Variants in HAPLN3 observed in about 807,000 individuals in gnomAD.
HAPLN3 encodes hyaluronan and proteoglycan link protein 3, also known as extracellular link domain containing, 1.
A neutral mutation model predicts 28.1 loss-of-function variants in HAPLN3; 28 were observed. The ratio of observed to expected loss-of-function variants is 1.00; its 90% CI spans 0.74 to 1.37. HAPLN3 has a LOEUF of 1.37. Among genes scored for constraint, HAPLN3 ranks in the 40% most tolerant of loss-of-function variants. The pLI is 0.00. For missense variants in HAPLN3, 513 were observed against 504.6 expected, an observed-to-expected ratio of 1.02 and a Z score of -0.16; for synonymous variants, 211 against 213.1, an observed-to-expected ratio of 0.99 and a Z score of 0.09.
At position 88,881,582 on chromosome 15, in the gene HAPLN3, TCCA is replaced by T. The variant is rs766805402; in HGVS notation, c.265_267del (p.Trp89del). ...TCTGGGGCCCCGTTCTCCGACAGCT[TCCA>T]CCATTTGACACGCACACGCCGCGGG... On this transcript the variant is annotated inframe_deletion, in exon 3 of 5. Coordinates refer to ENST00000359595, the MANE Select transcript of HAPLN3 (RefSeq NM_178232.4). The surrounding 1 kb of genome is among the most constrained non-coding windows in gnomAD (Gnocchi z 6.0). 6.2e-7 allele frequency: 1 copy of T among 1,614,002 alleles called. No individual in the cohort carries two copies. Among genetic ancestry groups the T allele is most frequent in the South Asian group, 1.1e-5 (1 of 91,072 alleles).
rs1897571629 is a variant in HAPLN3, at chr15:88,877,901, C to T, written c.*69G>A. The T allele has an allele frequency of 5.5e-6, 8 of 1,447,894 alleles. No individual in the cohort carries two copies. Among genetic ancestry groups the T allele is most frequent in the Non-Finnish European group, 7.5e-6 (8 of 1,073,406 alleles). The allele number at this position is 1,447,894 out of a possible 1,614,324, so 89.7% of individuals were successfully genotyped here. Reference sequence around the variant, plus strand: ...AAACAGTTAAAATGGCTCCAACCCACAAGGGAAAACGAACCACTCAATAAA... The same window carrying T: ...AAACAGTTAAAATGGCTCCAACCCATAAGGGAAAACGAACCACTCAATAAA... On this transcript the variant is annotated 3_prime_UTR_variant, in exon 5 of 5. Transcript: ENST00000359595. This position sits in a 1 kb window ranked among gnomAD's most constrained non-coding sequence, Gnocchi z 5.1.
chr15:88,881,291 T>C lies in HAPLN3; in HGVS notation c.493+66A>G. The C allele has an allele frequency of 6.5e-7, 1 of 1,530,230 alleles. No homozygotes were observed. The highest frequency in any genetic ancestry group is 1.3e-5 in the South Asian group (1 of 79,648). 94.8% of individuals were successfully genotyped at this position (1,530,230 alleles called of 1,614,324 possible). On this transcript the variant is annotated intron_variant, in intron 3 of 4. Coordinates refer to ENST00000359595, the MANE Select transcript of HAPLN3 (RefSeq NM_178232.4). The surrounding 1 kb of genome is among the most constrained non-coding windows in gnomAD (Gnocchi z 6.0). ...TGTCTAAAGCACAGAGGTCTGGATG[T>C]TTTCTCTGGTCCTCTCCCCTCTGCT...
Position 88,878,202 on chromosome 15 carries a change from T to A in HAPLN3, c.851A>T (p.Glu284Val). The A allele has an allele frequency of 6.2e-7, 1 of 1,614,080 alleles. No homozygotes were observed. The highest frequency in any genetic ancestry group is 8.5e-7 in the Non-Finnish European group (1 of 1,179,966). ...PEKLTLTEAREACQEDDATIA... is the reference protein window; with the variant it reads ...PEKLTLTEARVACQEDDATIA... ...CGTGGCATCATCTTCCTGGCAGGCCTCCCTTGCCTCTGTCAGCGTCAGCTT... is the reference window on the plus strand; with the variant it reads ...CGTGGCATCATCTTCCTGGCAGGCCACCCTTGCCTCTGTCAGCGTCAGCTT... The change falls in exon 5 of 5, where the codon GAG becomes GTG. Residue 284 changes from glutamate (E) to valine (V), a missense_variant. Transcript: ENST00000359595.
chr15:88,890,395 A>G (rs530348800), intron 1 of HAPLN3, among the ~76,000 whole-genome samples: 1 of 152,292 alleles, frequency 6.6e-6, no homozygotes, highest in African/African-American at 2.4e-5. Flanking sequence ...AACCTGGTAC[A>G]GAGTTTGGGA....
Position 88,881,466 on chromosome 15 carries a change from G to T in HAPLN3, c.384C>A (p.Asp128Glu), listed in dbSNP as rs74819608. The stretch of plus-strand genomic sequence containing the variant: ...GCAGATCCTGGATCTCCAGCGAGAC[G>T]TCATGCTCTTTGTCCTGCCGCAGGT... The part of the protein sequence containing the change: ...RVHLRQDKEH[D>E]VSLEIQDLRL... The change falls in exon 3 of 5, where the codon GAC becomes GAA. Residue 128 changes from aspartate to glutamate, a missense_variant. Asp to Glu is a conservative substitution (Grantham distance 45, BLOSUM62 2). Transcript: ENST00000359595. This position sits in a 1 kb window ranked among gnomAD's most constrained non-coding sequence, Gnocchi z 6.0. 1.9e-6 allele frequency: 3 copies of T among 1,613,886 alleles called. No individual in the cohort carries two copies. Among genetic ancestry groups the T allele is most frequent in the Non-Finnish European group, 2.5e-6 (3 of 1,180,030 alleles).
chr15:88,884,902 G>A (rs965613798), intron 2 of HAPLN3, among the ~76,000 whole-genome samples: 1 of 152,212 alleles, frequency 6.6e-6, no homozygotes, highest in East Asian at 1.9e-4. Flanking sequence ...AACCGGAAGA[G>A]GCAAGGCAAG....
In HAPLN3 at chr15:88,881,033, TG is replaced by T. The variant is rs1897682100; in HGVS notation, c.493+323del. The T allele has an allele frequency of 5.3e-6, 2 of 375,106 alleles. No homozygotes were observed. The highest frequency in any genetic ancestry group is 6.3e-5 in the South Asian group (2 of 31,740). 23.2% of individuals were successfully genotyped at this position (375,106 alleles called of 1,614,324 possible). On this transcript the variant is annotated intron_variant, in intron 3 of 4. Transcript: ENST00000359595. This position sits in a 1 kb window ranked among gnomAD's most constrained non-coding sequence, Gnocchi z 6.0. ...TCTCAGCTCTGTCTCTAATAAGCTG[TG>T]GGACCAGCTCTGGTTTTCCTCTCTC...
intron 4 of HAPLN3, 61 bp downstream of exon 4, chr15:88,878,906 C>T: frequency 6.7e-7 from 1 of 1,491,708 alleles, no homozygotes; most frequent in Non-Finnish European, 9.0e-7. Flanking sequence ...CAGAAGCTGC[C>T]CTCTCACAGG....
intron 1 of HAPLN3, chr15:88,893,116 TA>T (rs147237068): frequency 1.0e-5 from 8 of 776,998 alleles, no homozygotes; most frequent in East Asian, 5.3e-5. Flanking sequence ...TCCTCATCTG[TA>T]AAAAAAAGGA....
intron 2 of HAPLN3, among the ~76,000 whole-genome samples, chr15:88,884,425 A>G (rs961330204): frequency 1.3e-5 from 2 of 152,050 alleles, no homozygotes; most frequent in Admixed American, 1.3e-4. Flanking sequence ...TTAGCCAGGC[A>G]TGGTGTCGGA....
At chr15:88,891,271 C>G (rs1337429319) in intron 1 of HAPLN3, among the ~76,000 whole-genome samples, 1 of 151,826 alleles carries the variant, frequency 6.6e-6, no homozygotes, top group Non-Finnish European at 1.5e-5. Context: ...GTATTAACAG[C>G]TGAGCACTTA....
At chr15:88,883,030 T>C (rs1396735979) in intron 2 of HAPLN3, among the ~76,000 whole-genome samples, 1 of 151,966 alleles carries the variant, frequency 6.6e-6, no homozygotes, top group Non-Finnish European at 1.5e-5. Flanking sequence ...AACAAATTAA[T>C]TAATTAAAAA....
chr15:88,881,622 C>T lies in HAPLN3; in HGVS notation c.228G>A (p.Pro76=), dbSNP rs181105813. The change falls in exon 3 of 5, where the codon CCG becomes CCA. Residue 76 remains proline (P), a synonymous_variant. Coordinates refer to ENST00000359595, the MANE Select transcript of HAPLN3 (RefSeq NM_178232.4). This position sits in a 1 kb window ranked among gnomAD's most constrained non-coding sequence, Gnocchi z 6.0. ...GCACACGCCGCGGGGAGACCAGGGCCGGCTCGTAGCGGTAGCGGCAGGGCA... is the reference window on the plus strand; with the variant it reads ...GCACACGCCGCGGGGAGACCAGGGCTGGCTCGTAGCGGTAGCGGCAGGGCA... The part of the protein sequence containing the change: ...VILPCRYRYE[P]ALVSPRRVRV... 117 of 1,613,986 alleles carry T rather than the reference C, an allele frequency of 7.2e-5. 1 individual carries two copies. The highest frequency in any genetic ancestry group is 1.7e-4 in the Middle Eastern group (1 of 6,054).
rs781614011 is a variant in HAPLN3, at chr15:88,878,260, G to T, written c.797-4C>A. The T allele has an allele frequency of 1.2e-6, 2 of 1,607,908 alleles. No homozygotes were observed. The highest frequency in any genetic ancestry group is 2.2e-5 in the South Asian group (2 of 89,950). Reference sequence around the variant, plus strand: ...TGCTCCAGGTAGTACACCCGCCCTGGGGGAAAGGGGGCGTGAGTGCCGTAC... The same window carrying T: ...TGCTCCAGGTAGTACACCCGCCCTGTGGGAAAGGGGGCGTGAGTGCCGTAC... On this transcript the variant is annotated splice_region_variant and splice_polypyrimidine_tract_variant and intron_variant, in intron 4 of 4. Coordinates refer to ENST00000359595, the MANE Select transcript of HAPLN3 (RefSeq NM_178232.4).
intron 1 of HAPLN3, among the ~76,000 whole-genome samples, chr15:88,890,664 A>G (rs1419887290): frequency 6.6e-6 from 1 of 152,144 alleles, no homozygotes; most frequent in East Asian, 1.9e-4. Context: ...CAGAAATAAC[A>G]TGCCACATCC....
rs959548432 is a variant in HAPLN3 at position 88,888,641 on chromosome 15, G to A, written c.-47-1296C>T. 9.9e-5 allele frequency among the ~76,000 whole-genome samples: 15 copies of A among 152,208 alleles called. No individual in the cohort carries two copies. Among genetic ancestry groups the A allele is most frequent in the South Asian group, 6.2e-4 (3 of 4,826 alleles). On this transcript the variant is annotated intron_variant, in intron 1 of 4. Coordinates refer to ENST00000359595, the MANE Select transcript of HAPLN3 (RefSeq NM_178232.4). The surrounding 1 kb of genome is among the most constrained non-coding windows in gnomAD (Gnocchi z 4.1). The stretch of plus-strand genomic sequence containing the variant: ...GCCCTGCTCACCTGCCATTTACTGC[G>A]TGCTCTCAACAATTAAAAGATGGGG...
Position 88,881,660 on chromosome 15 carries a change from C to G in HAPLN3, c.190G>C (p.Ala64Pro), listed in dbSNP as rs750275528. 1.4e-5 allele frequency: 23 copies of G among 1,613,604 alleles called. No individual in the cohort carries two copies. In the Middle Eastern group the frequency reaches 2.3e-3, roughly 165 times the overall value. The change falls in exon 3 of 5, where the codon GCC becomes CCC. Residue 64 changes from alanine to proline, a missense_variant. By Grantham distance (27) the Ala-to-Pro change is conservative (BLOSUM62 -1). Coordinates refer to ENST00000359595, the MANE Select transcript of HAPLN3 (RefSeq NM_178232.4). The surrounding 1 kb of genome is among the most constrained non-coding windows in gnomAD (Gnocchi z 6.0). ...PEETLFTYQG[A>P]SVILPCRYRY... is the part of the protein sequence containing the mutation. ...TAGCGGCAGGGCAGGATCACACTGG[C>G]CCCTTGGTAGGTGAACAGGGTCTCC... is the stretch of plus-strand genomic sequence containing the variant.
At chr15:88,882,503 G>A (rs943685165) in intron 2 of HAPLN3, among the ~76,000 whole-genome samples, 9 of 152,144 alleles carry the variant, frequency 5.9e-5, no homozygotes, top group Admixed American at 2.0e-4. Context: ...TCCCAAATAC[G>A]GAGCAGCCTA....
At chr15:88,883,803 T>G (rs756528443) in intron 2 of HAPLN3, among the ~76,000 whole-genome samples, 15 of 152,150 alleles carry the variant, frequency 9.9e-5, no homozygotes, top group Non-Finnish European at 1.9e-4. Context: ...CTCAGCTAGG[T>G]GCAGTGGCTC....
Sources: gnomAD v4.1 joint callset for allele counts (sites outside exome capture counted in the v4.1 genomes callset) on GRCh38, gnomAD v4.1.1 for gene constraint, Gnocchi (gnomAD v3.1) non-coding constraint, MANE v1.5 for transcripts, NCBI Gene and HGNC (gene_info 2026-07-23, HGNC 2026-07-21) for gene names.